CACNB3: variants seen among roughly 807,000 people sequenced by gnomAD.
The protein encoded by CACNB3 is calcium voltage-gated channel auxiliary subunit beta 3.
CACNB3 carries 36 observed loss-of-function variants against 63.7 expected under a neutral mutation model. The observed-to-expected ratio is 0.57, with a 90% CI of 0.43 to 0.75. CACNB3 has a LOEUF of 0.75. Among genes scored for constraint, CACNB3 ranks in the 30% least tolerant of loss-of-function variants. The pLI, the probability that CACNB3 is intolerant of heterozygous loss-of-function variation, is 0.00. For synonymous variants in CACNB3, 241 were observed against 250.6 expected (o/e 0.96, Z 0.36); for missense variants, 493 against 648.6 (o/e 0.76, Z 2.61).
chr12:48,815,383 C>G (rs995041061), upstream of CACNB3: 1 of 471,282 alleles, frequency 2.1e-6, no homozygotes, highest in African/African-American at 2.0e-5. Context: ...GTGGGAGGCA[C>G]ACGGAAAAAC....
upstream of CACNB3, chr12:48,815,734 CGTGGGGGGG>C: frequency 3.3e-6 from 2 of 604,364 alleles, no homozygotes; most frequent in Non-Finnish European, 5.1e-6. Flanking sequence ...ACGAGGTAAC[CGTGGGGGGG>C]GTGTGGGGTC....
At chr12:48,819,786 C>T (rs1179414884) in intron 1 of CACNB3, 1 of 398,954 alleles carries the variant, frequency 2.5e-6, no homozygotes, top group African/African-American at 2.1e-5. Context: ...TTTAATTCTC[C>T]TCTTTGCTTT....
At chr12:48,818,122 C>T (rs1319146128), upstream of CACNB3, among the ~76,000 whole-genome samples, 1 of 152,230 alleles carries the variant, frequency 6.6e-6, no homozygotes, top group Admixed American at 6.5e-5. This position sits in a 1 kb window ranked among gnomAD's most constrained non-coding sequence, Gnocchi z 4.3. Context: ...GCCCATTCCT[C>T]CCCGGGACCA....
At chr12:48,822,294 G>A (rs1301435324) in intron 1 of CACNB3, among the ~76,000 whole-genome samples, 3 of 152,088 alleles carry the variant, frequency 2.0e-5, no homozygotes, top group Admixed American at 1.3e-4. Context: ...CCCAGACATT[G>A]TAACCTCTGG....
At chr12:48,821,210 A>C (rs1273108070) in intron 1 of CACNB3, 2 of 152,116 alleles carry the variant, frequency 1.3e-5, no homozygotes, top group Non-Finnish European at 2.9e-5. Context: ...TTACTAAATT[A>C]AACCAGGCAT....
chr12:48,822,481 C>T (rs1937900680), intron 1 of CACNB3, among the ~76,000 whole-genome samples: 1 of 152,190 alleles, frequency 6.6e-6, no homozygotes, highest in Admixed American at 6.5e-5. Flanking sequence ...GGTCCTGCTC[C>T]GTAGCTAGGT....
rs1937648653 is a variant in CACNB3, at chr12:48,818,598, G to GGCCGCCGCCCCCTCGCC, written c.-328_-312dup. 1.8e-6 allele frequency: 2 copies of GGCCGCCGCCCCCTCGCC among 1,093,414 alleles called. No individual in the cohort carries two copies. Among genetic ancestry groups the GGCCGCCGCCCCCTCGCC allele is most frequent in the Middle Eastern group, 4.0e-4 (1 of 2,508 alleles). The allele number at this position is 1,093,414 out of a possible 1,614,324, so 67.7% of individuals were successfully genotyped here. A position where few individuals can be genotyped will look rare whatever the true frequency, so the allele number is the denominator to read the frequency against. ...CCCGGCCTGGCCCGGGCTCCCCGGT[G>GGCCGCCGCCCCCTCGCC]GCCGCCGCCCCCTCGCCGCCCCCGC... On this transcript the variant is annotated 5_prime_UTR_variant, in exon 1 of 13. Coordinates refer to ENST00000301050, the MANE Select transcript of CACNB3 (RefSeq NM_000725.4). This position sits in a 1 kb window ranked among gnomAD's most constrained non-coding sequence, Gnocchi z 4.3.
upstream of CACNB3, among the ~76,000 whole-genome samples, chr12:48,816,545 T>C (rs1339338662): frequency 1.3e-5 from 2 of 152,180 alleles, no homozygotes; most frequent in African/African-American, 4.8e-5. Context: ...GAAAGGAACA[T>C]TGGGTAGCAA....
At position 48,827,573 on chromosome 12, in the gene CACNB3, T is replaced by G; in HGVS notation, c.1141-12T>G. 6.2e-7 allele frequency: 1 copy of G among 1,609,694 alleles called. No individual in the cohort carries two copies. The highest frequency in any genetic ancestry group is 8.5e-7 in the Non-Finnish European group (1 of 1,177,858). ...TGTACTGCCTCACTGAGAGCTGTTG[T>G]ATGGCCCCCAGAACCAGCAGCTGCT... is the stretch of plus-strand genomic sequence containing the variant. On this transcript the variant is annotated splice_polypyrimidine_tract_variant and intron_variant, in intron 12 of 12. Transcript: ENST00000301050.
In CACNB3 at chr12:48,827,656, TGAG is replaced by T; in HGVS notation, c.1214_1216del (p.Glu405del). On this transcript the variant is annotated inframe_deletion, in exon 13 of 13. Transcript: ENST00000301050. ...AGCGGGACAGCTTGATGCCCTCTGA[TGAG>T]GCCAGCGAGAGCTCCCGCCAAGCCT... 1 of 1,613,768 alleles carries T rather than the reference TGAG, an allele frequency of 6.2e-7. No individual in the cohort carries two copies. The highest frequency in any genetic ancestry group is 8.5e-7 in the Non-Finnish European group (1 of 1,179,992).
intron 4 of CACNB3, 41 bp from the exon 5 acceptor site, chr12:48,824,628 A>C: frequency 1.3e-6 from 2 of 1,526,286 alleles, no homozygotes; most frequent in Non-Finnish European, 1.8e-6. Flanking sequence ...ACACAGAGAC[A>C]CATTCTTCTC....
Position 48,826,363 on chromosome 12 carries a change from A to G in CACNB3, c.743-4A>G. ...GTGAGCACTGCTGCTGCCTCCCTCCATAGCGGAAGTGCAGAGTGAGATCGA... is the reference window on the plus strand; with the variant it reads ...GTGAGCACTGCTGCTGCCTCCCTCCGTAGCGGAAGTGCAGAGTGAGATCGA... On this transcript the variant is annotated splice_region_variant and splice_polypyrimidine_tract_variant and intron_variant, in intron 9 of 12. Transcript: ENST00000301050. The surrounding 1 kb of genome is among the most constrained non-coding windows in gnomAD (Gnocchi z 4.8). The G allele has an allele frequency of 1.2e-6, 2 of 1,614,128 alleles. No individual in the cohort carries two copies. The highest frequency in any genetic ancestry group is 1.3e-5 in the African/African-American group (1 of 75,040).
rs372655713 is a variant in CACNB3 at position 48,824,358 on chromosome 12, A to T, written c.392A>T (p.Gln131Leu). Residue 131 changes from glutamine to leucine, a missense_variant, in exon 4 of 13, where the codon CAG (glutamine) becomes CTG (leucine). By Grantham distance (113) the Gln-to-Leu change is moderately radical (BLOSUM62 -2). Transcript: ENST00000301050. Reference sequence around the variant, plus strand: ...CGCCTGGAGAGCATCCGGCTCAAACAGGAGCAGAAGGCCAGGTGAGAGTTG... The same window carrying T: ...CGCCTGGAGAGCATCCGGCTCAAACTGGAGCAGAAGGCCAGGTGAGAGTTG... ...PQRLESIRLK[Q>L]EQKARRSGNP... is the part of the protein sequence containing the mutation. 1.2e-4 allele frequency: 196 copies of T among 1,607,554 alleles called. 1 individual carries two copies. Among genetic ancestry groups the T allele is most frequent in the Non-Finnish European group, 1.5e-4 (175 of 1,177,480 alleles).
chr12:48,825,298 A>G lies in CACNB3; in HGVS notation c.573+55A>G. The G allele has an allele frequency of 6.3e-7, 1 of 1,587,110 alleles. No homozygotes were observed. On this transcript the variant is annotated intron_variant, in intron 7 of 12. Coordinates refer to ENST00000301050, the MANE Select transcript of CACNB3 (RefSeq NM_000725.4). This position sits in a 1 kb window ranked among gnomAD's most constrained non-coding sequence, Gnocchi z 4.5. ...CACCTCTACCAAGCCTGCCACAGGAAGTCCCTAGGGAAAGTGGAAGGGGTG... is the reference window on the plus strand; with the variant it reads ...CACCTCTACCAAGCCTGCCACAGGAGGTCCCTAGGGAAAGTGGAAGGGGTG...
In CACNB3 at chr12:48,818,840, C is replaced by A; in HGVS notation, c.-90C>A. On this transcript the variant is annotated 5_prime_UTR_variant, in exon 1 of 13. Transcript: ENST00000301050. This position sits in a 1 kb window ranked among gnomAD's most constrained non-coding sequence, Gnocchi z 4.3. ...CCCGCAGGGCTGCGGGGCTCGGTGGCATCTCCCGGGCGCGGCCCGCAGTCC... is the reference window on the plus strand; with the variant it reads ...CCCGCAGGGCTGCGGGGCTCGGTGGAATCTCCCGGGCGCGGCCCGCAGTCC... 7.0e-7 allele frequency: 1 copy of A among 1,422,116 alleles called. No homozygotes were observed. Among genetic ancestry groups the A allele is most frequent in the South Asian group, 1.5e-5 (1 of 65,276 alleles). The allele number at this position is 1,422,116 out of a possible 1,614,324, so 88.1% of individuals were successfully genotyped here. A position where few individuals can be genotyped will look rare whatever the true frequency, so the allele number is the denominator to read the frequency against.
At position 48,826,066 on chromosome 12, in the gene CACNB3, T is replaced by G. The variant is rs1461661832; in HGVS notation, c.742+297T>G. ...CTGGTCTCGAACTCCTGACCTCAAG[T>G]GATCGGCCCACCTTGGCCTCTCAAA... On this transcript the variant is annotated intron_variant, in intron 9 of 12. Transcript: ENST00000301050. The surrounding 1 kb of genome is among the most constrained non-coding windows in gnomAD (Gnocchi z 4.8). Among the ~76,000 whole-genome samples the G allele has an allele frequency of 6.6e-6, 1 of 152,156 alleles. No homozygotes were observed. Among genetic ancestry groups the G allele is most frequent in the African/African-American group, 2.4e-5 (1 of 41,428 alleles).
At position 48,824,327 on chromosome 12, in the gene CACNB3, C is replaced by T. The variant is rs757492299; in HGVS notation, c.361C>T (p.Pro121Ser). The change falls in exon 4 of 13, where the codon CCC becomes TCC. Residue 121 changes from proline to serine, a missense_variant. Pro to Ser is a moderately conservative substitution (Grantham distance 74, BLOSUM62 -1). Transcript: ENST00000301050. The part of the protein sequence containing the change: ...EGGDIAFIPS[P>S]QRLESIRLKQ... ...CGGGGACATCGCCTTCATCCCCAGC[C>T]CCCAGCGCCTGGAGAGCATCCGGCT... 1.9e-6 allele frequency: 3 copies of T among 1,612,618 alleles called. No individual in the cohort carries two copies. Among genetic ancestry groups the T allele is most frequent in the Non-Finnish European group, 2.5e-6 (3 of 1,179,598 alleles).
Position 48,826,310 on chromosome 12 carries a change from CTGG to C in CACNB3, c.743-56_743-54del. ...ACCATTCGGGAGCCCTCAAAGCCTG[CTGG>C]AGTGAGCAGTGGGCAGAGCTCCTGG... On this transcript the variant is annotated intron_variant, in intron 9 of 12. Coordinates refer to ENST00000301050, the MANE Select transcript of CACNB3 (RefSeq NM_000725.4). This position sits in a 1 kb window ranked among gnomAD's most constrained non-coding sequence, Gnocchi z 4.8. 1 of 1,590,656 alleles carries C rather than the reference CTGG, an allele frequency of 6.3e-7. No homozygotes were observed. The highest frequency in any genetic ancestry group is 8.6e-7 in the Non-Finnish European group (1 of 1,159,854).
In CACNB3 at chr12:48,825,822, C is replaced by T; in HGVS notation, c.742+53C>T. 2 of 1,258,124 alleles carry T rather than the reference C, an allele frequency of 1.6e-6. No individual in the cohort carries two copies. Among genetic ancestry groups the T allele is most frequent in the Non-Finnish European group, 2.3e-6 (2 of 866,418 alleles). The allele number at this position is 1,258,124 out of a possible 1,614,324, so 77.9% of individuals were successfully genotyped here. ...TGCCCACTCAAGTGCCAGTGAGAAC[C>T]TTCCTCCTCCCTTTTCTTTTTTTTG... On this transcript the variant is annotated intron_variant, in intron 9 of 12. Coordinates refer to ENST00000301050, the MANE Select transcript of CACNB3 (RefSeq NM_000725.4). The surrounding 1 kb of genome is among the most constrained non-coding windows in gnomAD (Gnocchi z 4.5).
Sources: allele counts gnomAD v4.1 joint callset (sites outside exome capture counted in the v4.1 genomes callset), GRCh38; gene constraint gnomAD v4.1.1; non-coding constraint Gnocchi (gnomAD v3.1); transcripts MANE v1.5; gene names NCBI Gene and HGNC (gene_info 2026-07-23, HGNC 2026-07-21).